KSR1: variants seen among roughly 807,000 people sequenced by gnomAD.
The protein encoded by KSR1 is kinase suppressor of ras 1.
In KSR1, 35 loss-of-function variants were observed where a neutral mutation model predicts 92.9. That is an observed-to-expected ratio of 0.38 (90% CI 0.29 to 0.50). The LOEUF is 0.50. Ranked by LOEUF, KSR1 falls within the 20% of genes least tolerant of loss-of-function variation. The probability of loss-of-function intolerance (pLI) is 0.94; values close to 1 mark genes in which losing one functional copy is unlikely to be tolerated. For missense variants in KSR1, 972 were observed against 1,158.5 expected (o/e 0.84, Z 2.34); for synonymous variants, 467 against 472.6 (o/e 0.99, Z 0.15).
chr17:27,457,101 G>T (rs934856645), intron 1 of KSR1, among the ~76,000 whole-genome samples: 1 of 151,962 alleles, frequency 6.6e-6, no homozygotes, highest in Non-Finnish European at 1.5e-5. Context: ...ATGGAGGCTC[G>T]AGGGGCCCGT....
chr17:27,485,888 G>C (rs910222093), intron 1 of KSR1, among the ~76,000 whole-genome samples: 1 of 152,124 alleles, frequency 6.6e-6, no homozygotes, highest in Admixed American at 6.5e-5. Flanking sequence ...CTGCTCCCCC[G>C]AGGATTGAAA....
intron 1 of KSR1, among the ~76,000 whole-genome samples, chr17:27,487,239 C>T (rs1236626428): frequency 1.3e-5 from 2 of 150,782 alleles, no homozygotes; most frequent in Admixed American, 6.6e-5. Context: ...GTTGGATACC[C>T]GCCTGGCCAA....
At chr17:27,567,461 A>G (rs948408986) in intron 2 of KSR1, among the ~76,000 whole-genome samples, 1 of 152,178 alleles carries the variant, frequency 6.6e-6, no homozygotes, top group African/African-American at 2.4e-5. Flanking sequence ...GGAGTGGGCA[A>G]GAACATGGAC....
rs1299664601 is a variant in KSR1, at chr17:27,556,127, A to C, written c.372+5419A>C. On this transcript the variant is annotated intron_variant, in intron 2 of 20. Transcript: ENST00000644974. ...ATTTCTACAGGGAAAAAAACCTAGAAGTGAACTTGCTAGGCTGGATTTTAG... is the reference window on the plus strand; with the variant it reads ...ATTTCTACAGGGAAAAAAACCTAGACGTGAACTTGCTAGGCTGGATTTTAG... Among the ~76,000 whole-genome samples the C allele has an allele frequency of 2.0e-5, 3 of 152,366 alleles. No homozygotes were observed. In the East Asian group the frequency reaches 5.8e-4, roughly 29 times the overall value.
At chr17:27,601,316 T>C (rs1452334957) in intron 10 of KSR1, 44 bp from the exon 11 acceptor site, 9 of 1,567,946 alleles carry the variant, frequency 5.7e-6, no homozygotes, top group Middle Eastern at 1.7e-4. Flanking sequence ...CCCTCCTGCG[T>C]TGGCCGTTCT....
At position 27,544,780 on chromosome 17, in the gene KSR1, TC is replaced by T. The variant is rs1327086767; in HGVS notation, c.232-5784del. 2.0e-5 allele frequency among the ~76,000 whole-genome samples: 3 copies of T among 152,338 alleles called. No individual in the cohort carries two copies. The East Asian group carries it at 5.8e-4, about 29-fold the overall frequency. ...AGAAAATGACGCTACCAATGAAAGG[TC>T]CCCTTTTAGGCCCCCAGGGCTGGGC... On this transcript the variant is annotated intron_variant, in intron 1 of 20. Transcript: ENST00000644974.
At chr17:27,517,160 C>T (rs1274999272) in intron 1 of KSR1, among the ~76,000 whole-genome samples, 1 of 152,148 alleles carries the variant, frequency 6.6e-6, no homozygotes, top group Non-Finnish European at 1.5e-5. Context: ...GATCCTAGCA[C>T]CTTTTAAAGG....
chr17:27,575,870 G>A (rs2072485017), intron 2 of KSR1, among the ~76,000 whole-genome samples: 1 of 152,210 alleles, frequency 6.6e-6, no homozygotes, highest in African/African-American at 2.4e-5. Flanking sequence ...TCTAGGTGGA[G>A]GAATCCACTC....
intron 1 of KSR1, among the ~76,000 whole-genome samples, chr17:27,461,898 C>T (rs1353577806): frequency 1.5e-5 from 1 of 67,094 alleles, no homozygotes; most frequent in Non-Finnish European, 4.0e-5. Flanking sequence ...CATGCGGAGA[C>T]GCTGGCCCAC....
chr17:27,589,896 T>A (rs948892390), intron 6 of KSR1, among the ~76,000 whole-genome samples: 2 of 152,244 alleles, frequency 1.3e-5, no homozygotes, highest in African/African-American at 4.8e-5. Flanking sequence ...CTTAGCTGTG[T>A]GTTGTCTTCT....
At chr17:27,500,938 T>G (rs1169983216) in intron 1 of KSR1, among the ~76,000 whole-genome samples, 1 of 152,232 alleles carries the variant, frequency 6.6e-6, no homozygotes, top group Non-Finnish European at 1.5e-5. Context: ...GGATGCAGGA[T>G]TCATAACAAA....
chr17:27,546,177 C>G (rs1317010130), intron 1 of KSR1, among the ~76,000 whole-genome samples: 1 of 152,198 alleles, frequency 6.6e-6, no homozygotes, highest in Non-Finnish European at 1.5e-5. Flanking sequence ...AAGAACCACA[C>G]ATTTTCTTCC....
At chr17:27,496,876 C>G (rs1366497797) in intron 1 of KSR1, among the ~76,000 whole-genome samples, 1 of 152,234 alleles carries the variant, frequency 6.6e-6, no homozygotes, top group Non-Finnish European at 1.5e-5. Flanking sequence ...ACAGCCCTGC[C>G]GTGTCCTCCT....
intron 2 of KSR1, among the ~76,000 whole-genome samples, chr17:27,555,893 A>G (rs2071576671): frequency 6.6e-6 from 1 of 152,224 alleles, no homozygotes; most frequent in African/African-American, 2.4e-5. Context: ...AAGGAGATAA[A>G]GTGAAAGAAA....
intron 20 of KSR1, chr17:27,622,994 A>G (rs1402423031): frequency 1.1e-5 from 4 of 380,814 alleles, no homozygotes; most frequent in Non-Finnish European, 1.4e-5. Context: ...TCTCAGTTCT[A>G]CTTGGAGCAA....
In KSR1 at chr17:27,626,413, G is replaced by A. The variant is rs2074340886; in HGVS notation, c.*3021G>A. ...AGCCAGGCCTGGGTGTCTGGAGTTT[G>A]TGAATAAAGTTATACCAAGGTGTTC... On this transcript the variant is annotated 3_prime_UTR_variant, in exon 21 of 21. Coordinates refer to ENST00000644974, the MANE Select transcript of KSR1 (RefSeq NM_001394583.1). 6.6e-6 allele frequency: 1 copy of A among 152,246 alleles called. No homozygotes were observed. The highest frequency in any genetic ancestry group is 2.1e-4 in the South Asian group (1 of 4,836). 9.4% of individuals were successfully genotyped at this position (152,246 alleles called of 1,614,324 possible). A position where few individuals can be genotyped will look rare whatever the true frequency, so the allele number is the denominator to read the frequency against.
intron 9 of KSR1, among the ~76,000 whole-genome samples, chr17:27,596,530 C>T (rs2073350202): frequency 6.6e-6 from 1 of 152,228 alleles, no homozygotes; most frequent in Non-Finnish European, 1.5e-5. Flanking sequence ...TGAACCAGGC[C>T]TGTCCTGACA....
intron 7 of KSR1, among the ~76,000 whole-genome samples, chr17:27,592,042 A>G (rs1215695098): frequency 6.6e-6 from 1 of 152,080 alleles, no homozygotes; most frequent in East Asian, 1.9e-4. Flanking sequence ...CTTTTTCAAT[A>G]TGGGTAGAGG....
chr17:27,563,400 G>A (rs962604446), intron 2 of KSR1, among the ~76,000 whole-genome samples: 5 of 151,992 alleles, frequency 3.3e-5, no homozygotes, highest in Non-Finnish European at 7.4e-5. Context: ...AGGACTACAG[G>A]TATGCACCAC....
Sources: allele counts gnomAD v4.1 joint callset (sites outside exome capture counted in the v4.1 genomes callset), GRCh38; gene constraint gnomAD v4.1.1; transcripts MANE v1.5; gene names NCBI Gene and HGNC (gene_info 2026-07-23, HGNC 2026-07-21).